PSAP: variants seen among roughly 807,000 people sequenced by gnomAD.
PSAP encodes prosaposin.
PSAP carries 25 observed loss-of-function variants against 66.0 expected under a neutral mutation model. The observed-to-expected ratio is 0.38, with a 90% CI of 0.28 to 0.53. The LOEUF is 0.53. Ranked by LOEUF, PSAP falls within the 20% of genes least tolerant of loss-of-function variation. PSAP has a pLI of 0.83. For synonymous variants in PSAP, 273 were observed against 258.9 expected (o/e 1.05, Z -0.52); for missense variants, 649 against 668.8 (o/e 0.97, Z 0.33).
chr10:71,836,878 T>C (rs558432998), intron 1 of PSAP, among the ~76,000 whole-genome samples: 7 of 152,288 alleles, frequency 4.6e-5, no homozygotes, highest in African/African-American at 1.7e-4. Context: ...GAAACAATAA[T>C]CGTTTTCCAT....
chr10:71,826,240 T>C (rs115430116), intron 6 of PSAP, among the ~76,000 whole-genome samples: 5 of 152,344 alleles, frequency 3.3e-5, no homozygotes, highest in South Asian at 4.1e-4. Context: ...AGCTAGGAGA[T>C]ACACTGCTTA....
intron 7 of PSAP, chr10:71,824,012 A>G (rs1474818101): frequency 2.7e-6 from 2 of 742,006 alleles, no homozygotes; most frequent in African/African-American, 1.8e-5. Flanking sequence ...GGATGTCCCA[A>G]GAGGTTCAGG....
At chr10:71,834,796 A>G (rs367925805) in intron 1 of PSAP, among the ~76,000 whole-genome samples, 4 of 152,252 alleles carry the variant, frequency 2.6e-5, no homozygotes, top group Admixed American at 1.3e-4. Context: ...AAATGTTTCC[A>G]TAAGTAATAA....
Position 71,818,697 on chromosome 10 carries a change from T to A in PSAP, c.1459A>T (p.Lys487Ter). 6.2e-7 allele frequency: 1 copy of A among 1,614,078 alleles called. No homozygotes were observed. Among genetic ancestry groups the A allele is most frequent in the Non-Finnish European group, 8.5e-7 (1 of 1,180,008 alleles). Residue 487 changes from lysine to a stop codon, truncating the protein, a stop_gained, in exon 13 of 14, where the codon AAG becomes TAG. Coordinates refer to ENST00000394936, the MANE Select transcript of PSAP (RefSeq NM_002778.4). LOFTEE classifies it high-confidence loss of function. ...LKIGACPSAH[K>*]PLLGTEKCIW... The stretch of plus-strand genomic sequence containing the variant: ...CACTTCTCAGTTCCCAACAAGGGCT[T>A]ATGGGCCGAGGGGCAGGCTCCAATT...
chr10:71,842,069 C>A (rs1421315460), intron 1 of PSAP, among the ~76,000 whole-genome samples: 1 of 151,882 alleles, frequency 6.6e-6, no homozygotes, highest in Admixed American at 6.6e-5. Flanking sequence ...GTAGTTTCTG[C>A]AAATCATCTA....
At chr10:71,851,117 C>T in intron 1 of PSAP, 65 bp downstream of exon 1, 1 of 1,530,146 alleles carries the variant, frequency 6.5e-7, no homozygotes, top group Non-Finnish European at 8.9e-7. Context: ...CCCGGCACAG[C>T]CCATTCTGGG....
At chr10:71,831,803 C>CGTGCCCGTGGCTCAA in intron 3 of PSAP, 43 bp downstream of exon 3, 1 of 1,576,640 alleles carries the variant, frequency 6.3e-7, no homozygotes, top group Non-Finnish European at 8.7e-7. Flanking sequence ...AACCAGTGCA[C>CGTGCCCGTGGCTCAA]GTGCCCGTGG....
chr10:71,826,529 A>G (rs1842401375), intron 6 of PSAP, among the ~76,000 whole-genome samples: 1 of 152,204 alleles, frequency 6.6e-6, no homozygotes. Context: ...CAGGATTCCT[A>G]GGCTTTCAAA....
chr10:71,843,343 C>A (rs371164583), intron 1 of PSAP, among the ~76,000 whole-genome samples: 3 of 152,120 alleles, frequency 2.0e-5, no homozygotes, highest in East Asian at 3.8e-4. Flanking sequence ...AGGTGACAGG[C>A]GACCTTGCGG....
chr10:71,851,078 A>T (rs1006977205), intron 1 of PSAP, 104 bp downstream of exon 1: 113 of 1,373,892 alleles, frequency 8.2e-5, no homozygotes, highest in Non-Finnish European at 1.8e-5. Context: ...CCCCTTGCCA[A>T]CTAGGGCAGG....
chr10:71,819,646 A>G (rs552351816), intron 10 of PSAP, 24 bp from the exon 11 acceptor site: 34 of 1,614,078 alleles, frequency 2.1e-5, no homozygotes, highest in Middle Eastern at 1.6e-4. Flanking sequence ...CAGCGGGCTC[A>G]ACGCTGGCAG....
intron 2 of PSAP, among the ~76,000 whole-genome samples, chr10:71,832,788 C>T (rs1383370990): frequency 4.0e-5 from 6 of 151,810 alleles, no homozygotes; most frequent in African/African-American, 4.8e-5. Context: ...GAGGCCGAGG[C>T]GGGCAGATCA....
chr10:71,820,120 G>C, intron 9 of PSAP, 120 bp downstream of exon 9: 1 of 1,024,400 alleles, frequency 9.8e-7, no homozygotes, highest in Non-Finnish European at 1.5e-6. Context: ...ACGAGATGGG[G>C]ACATGGCTGT....
At chr10:71,823,167 A>G (rs898198306) in intron 7 of PSAP, among the ~76,000 whole-genome samples, 1 of 152,172 alleles carries the variant, frequency 6.6e-6, no homozygotes, top group African/African-American at 2.4e-5. Flanking sequence ...AAAAAGCTCC[A>G]ATGCTAATCC....
At chr10:71,844,803 A>G (rs1842790503) in intron 1 of PSAP, 1 of 152,236 alleles carries the variant, frequency 6.6e-6, no homozygotes, top group Admixed American at 6.5e-5. Flanking sequence ...TAATCTATAC[A>G]TTTTCAACAT....
At chr10:71,834,576 A>G in intron 1 of PSAP, 71 bp from the exon 2 acceptor site, 8 of 1,573,266 alleles carry the variant, frequency 5.1e-6, no homozygotes, top group Middle Eastern at 2.1e-4. Context: ...TTATTTCCCC[A>G]GGGCTGAGGG....
rs772847042 is a variant in PSAP, at chr10:71,825,791, TG to T, written c.777+45del. On this transcript the variant is annotated intron_variant, in intron 7 of 13. Coordinates refer to ENST00000394936, the MANE Select transcript of PSAP (RefSeq NM_002778.4). ...CAAAATTCCTAGAAATGACGAAACC[TG>T]AAAAACAAAGAAAAATGCTAACAAG... is the stretch of plus-strand genomic sequence containing the variant. 4.5e-6 allele frequency: 7 copies of T among 1,564,374 alleles called. No homozygotes were observed. In the East Asian group the frequency reaches 1.6e-4, roughly 35 times the overall value.
intron 1 of PSAP, among the ~76,000 whole-genome samples, chr10:71,847,710 G>C (rs1842847424): frequency 6.6e-6 from 1 of 150,798 alleles, no homozygotes; most frequent in African/African-American, 2.4e-5. Flanking sequence ...ACAAATCACT[G>C]ATTTGTTAAA....
Position 71,829,001 on chromosome 10 carries a change from T to C in PSAP, c.452A>G (p.Gln151Arg). The change falls in exon 5 of 14, where the codon CAG becomes CGG. Residue 151 changes from glutamine to arginine, a missense_variant. By Grantham distance (43) the Gln-to-Arg change is conservative (BLOSUM62 1). Transcript: ENST00000394936. ...LQKHLAELNH[Q>R]KQLESNKIPE... ...GATCTTATTGGACTCCAGCTGCTTCTGGTGATTCAGCTCTGCTAGGTGCTT... is the reference window on the plus strand; with the variant it reads ...GATCTTATTGGACTCCAGCTGCTTCCGGTGATTCAGCTCTGCTAGGTGCTT... 3 of 1,614,152 alleles carry C rather than the reference T, an allele frequency of 1.9e-6. No individual in the cohort carries two copies. The highest frequency in any genetic ancestry group is 2.5e-6 in the Non-Finnish European group (3 of 1,180,014).
Sources: gnomAD v4.1 joint callset for allele counts (sites outside exome capture counted in the v4.1 genomes callset) on GRCh38, gnomAD v4.1.1 for gene constraint, MANE v1.5 for transcripts, NCBI Gene and HGNC (gene_info 2026-07-23, HGNC 2026-07-21) for gene names.